ASIC2: variants seen among roughly 807,000 people sequenced by gnomAD.
ASIC2 encodes the protein acid-sensing ion channel 2.
A neutral mutation model predicts 57.3 loss-of-function variants in ASIC2; 25 were observed. The observed-to-expected ratio is 0.44, with a 90% confidence interval of 0.32 to 0.61. ASIC2 has a LOEUF of 0.61. Among genes scored for constraint, ASIC2 ranks in the 20% least tolerant of loss-of-function variants. ASIC2 has a pLI of 0.06. For missense variants in ASIC2, 641 were observed against 738.1 expected, an observed-to-expected ratio of 0.87 and a Z score of 1.52; for synonymous variants, 319 against 307.5, an observed-to-expected ratio of 1.04 and a Z score of -0.39.
chr17:33,737,843 T>C (rs1433064391), intron 1 of ASIC2, among the ~76,000 whole-genome samples: 1 of 152,126 alleles, frequency 6.6e-6, no homozygotes, highest in Non-Finnish European at 1.5e-5. Context: ...AACTTGTGAG[T>C]AGGAATTTGC....
chr17:34,059,122 C>T (rs1908874656), intron 1 of ASIC2, among the ~76,000 whole-genome samples: 1 of 152,200 alleles, frequency 6.6e-6, no homozygotes, highest in African/African-American at 2.4e-5. Flanking sequence ...CCCACAGACC[C>T]TCTGAAGGAA....
intron 1 of ASIC2, among the ~76,000 whole-genome samples, chr17:33,146,777 G>A (rs1401583534): frequency 6.6e-6 from 1 of 152,236 alleles, no homozygotes; most frequent in Non-Finnish European, 1.5e-5. Flanking sequence ...GCCTAGGCCA[G>A]AAGGAGAGAA....
intron 1 of ASIC2, among the ~76,000 whole-genome samples, chr17:33,730,235 C>T (rs1232462541): frequency 6.6e-6 from 1 of 152,166 alleles, no homozygotes. Context: ...AACTGAGTCT[C>T]TTCTTTTAAT....
rs34192986 is a variant in ASIC2, at chr17:33,908,055, C to T, written c.555+247923G>A. Among the ~76,000 whole-genome samples the T allele has an allele frequency of 7.2e-5, 11 of 152,300 alleles. No individual in the cohort carries two copies. The South Asian group carries it at 8.3e-4, about 11-fold the overall frequency. ...GAGCACTTGGTTCTCACAGACTGTACGGAGAAATTTCCCATTATCTTATTT... is the reference window on the plus strand; with the variant it reads ...GAGCACTTGGTTCTCACAGACTGTATGGAGAAATTTCCCATTATCTTATTT... On this transcript the variant is annotated intron_variant, in intron 1 of 9. Coordinates refer to the ASIC2 transcript ENST00000359872.
intron 1 of ASIC2, among the ~76,000 whole-genome samples, chr17:33,780,242 A>G (rs745769867): frequency 6.6e-6 from 1 of 152,018 alleles, no homozygotes; most frequent in Non-Finnish European, 1.5e-5. Flanking sequence ...AAGTGCTGGG[A>G]TTACAGGGGT....
At chr17:33,443,414 T>TTTTTTTTTTA (rs1245810002) in intron 1 of ASIC2, among the ~76,000 whole-genome samples, 4 of 129,842 alleles carry the variant, frequency 3.1e-5, no homozygotes, top group African/African-American at 1.2e-4. Flanking sequence ...AGATTTTTTT[T>TTTTTTTTTTA]TTTTTTTTTT....
intron 1 of ASIC2, among the ~76,000 whole-genome samples, chr17:33,854,511 C>G (rs1443262053): frequency 6.6e-6 from 1 of 152,214 alleles, no homozygotes; most frequent in African/African-American, 2.4e-5. Flanking sequence ...TTGCTTGGAA[C>G]ATGTGCATAT....
intron 1 of ASIC2, among the ~76,000 whole-genome samples, chr17:33,506,133 G>A (rs144968960): frequency 0.016 from 2,484 of 151,412 alleles, 66 homozygotes; most frequent in African/African-American, 0.057. Context: ...GGTGGCTCAC[G>A]CCTGTAATCC....
At chr17:33,268,801 C>T (rs183147789) in intron 1 of ASIC2, among the ~76,000 whole-genome samples, 2 of 152,254 alleles carry the variant, frequency 1.3e-5, no homozygotes, top group African/African-American at 4.8e-5. Context: ...AACTGAAGCT[C>T]AGAAAGTTTA....
At chr17:33,088,743 T>C in intron 3 of ASIC2, 120 bp downstream of exon 3, 1 of 1,358,188 alleles carries the variant, frequency 7.4e-7, no homozygotes, top group Non-Finnish European at 9.6e-7. Context: ...AGCCAACATC[T>C]TTCTCTAGTT....
chr17:33,125,672 C>G (rs1310239890), intron 1 of ASIC2, among the ~76,000 whole-genome samples: 2 of 152,202 alleles, frequency 1.3e-5, no homozygotes, highest in African/African-American at 4.8e-5. Context: ...GATAAAGCAG[C>G]TGTAATATCA....
intron 1 of ASIC2, among the ~76,000 whole-genome samples, chr17:33,735,935 G>A (rs1909897296): frequency 1.3e-5 from 2 of 152,104 alleles, no homozygotes; most frequent in Admixed American, 1.3e-4. Context: ...TGGCATGAAT[G>A]AATGAGTGAG....
In ASIC2 at chr17:33,806,971, C is replaced by G. The variant is rs75086264; in HGVS notation, c.555+349007G>C. On this transcript the variant is annotated intron_variant, in intron 1 of 9. Coordinates refer to the ASIC2 transcript ENST00000359872. ...TCCAAGAACTGATTTGATTTACTGA[C>G]AAGGCAGCCCTCTCCACCTGAAAGA... Among the ~76,000 whole-genome samples the G allele has an allele frequency of 6.6e-5, 10 of 152,320 alleles. No homozygotes were observed. The East Asian group carries it at 1.9e-3, about 29-fold the overall frequency.
In ASIC2 at chr17:33,134,917, A is replaced by T. The variant is rs114546085; in HGVS notation, c.709-22850T>A. Among the ~76,000 whole-genome samples the T allele has an allele frequency of 2.7e-3, 404 of 152,338 alleles. 1 individual carries two copies. Among genetic ancestry groups the T allele is most frequent in the African/African-American group, 9.3e-3 (387 of 41,582 alleles). On this transcript the variant is annotated intron_variant, in intron 1 of 9. Coordinates refer to ENST00000225823, the MANE Select transcript of ASIC2 (RefSeq NM_183377.2). ...TTCAGAGAAACTCAAACCAGCATCA[A>T]CTAAGTCAGAGACTTAGGATAGCAG...
intron 1 of ASIC2, among the ~76,000 whole-genome samples, chr17:34,135,901 T>C (rs1203659769): frequency 6.6e-6 from 1 of 152,142 alleles, no homozygotes; most frequent in African/African-American, 2.4e-5. Flanking sequence ...AATAATAATG[T>C]GGTCATGTCA....
At position 33,328,912 on chromosome 17, in the gene ASIC2, T is replaced by C. The variant is rs533321590; in HGVS notation, c.556-216845A>G. Among the ~76,000 whole-genome samples, 4 of 152,342 alleles carry C rather than the reference T, an allele frequency of 2.6e-5. No homozygotes were observed. The East Asian group carries it at 5.8e-4, about 22-fold the overall frequency. On this transcript the variant is annotated intron_variant, in intron 1 of 9. Coordinates refer to the ASIC2 transcript ENST00000359872. ...GCTAAATATAGTGATTATGTGAATC[T>C]GAATGTTTTCAAACACCTTTCTCCT...
chr17:33,203,317 AT>A (rs1228152290), intron 1 of ASIC2, among the ~76,000 whole-genome samples: 5 of 152,138 alleles, frequency 3.3e-5, no homozygotes, highest in Admixed American at 2.6e-4. Context: ...TTCAAAGCTT[AT>A]TTTTTTAGGC....
At position 33,347,962 on chromosome 17, in the gene ASIC2, C is replaced by T. The variant is rs181677904; in HGVS notation, c.556-235895G>A. Reference sequence around the variant, plus strand: ...ACTAAAAATACAAAAGTTAGCCAGGCATGGTGGTGCACACCTGTAGTCCCA... The same window carrying T: ...ACTAAAAATACAAAAGTTAGCCAGGTATGGTGGTGCACACCTGTAGTCCCA... On this transcript the variant is annotated intron_variant, in intron 1 of 9. Coordinates refer to the ASIC2 transcript ENST00000359872. Among the ~76,000 whole-genome samples, 301 of 152,198 alleles carry T rather than the reference C, an allele frequency of 2.0e-3. 4 individuals carry two copies. Among genetic ancestry groups the T allele is most frequent in the Non-Finnish European group, 4.7e-4 (32 of 68,006 alleles).
At chr17:34,020,515 C>T (rs1907120887) in intron 1 of ASIC2, among the ~76,000 whole-genome samples, 1 of 152,190 alleles carries the variant, frequency 6.6e-6, no homozygotes, top group Admixed American at 6.5e-5. Context: ...AAGCAGGGAA[C>T]TTTCTCTCTG....
Sources: allele counts gnomAD v4.1 joint callset (sites outside exome capture counted in the v4.1 genomes callset), GRCh38; gene constraint gnomAD v4.1.1; transcripts MANE v1.5; gene names NCBI Gene and HGNC (gene_info 2026-07-23, HGNC 2026-07-21).